The following OXCT1 variants were observed in gnomAD, a reference collection of about 807,000 sequenced individuals.
The protein encoded by OXCT1 is 3-oxoacid CoA-transferase 1.
In OXCT1, 27 loss-of-function variants were observed where a neutral mutation model predicts 69.6. The ratio of observed to expected loss-of-function variants is 0.39; its 90% CI spans 0.29 to 0.54. The LOEUF is 0.54. Among genes scored for constraint, OXCT1 ranks in the 20% least tolerant of loss-of-function variants. The probability of loss-of-function intolerance (pLI) is 0.72; values close to 1 mark genes in which losing one functional copy is unlikely to be tolerated. For missense variants in OXCT1, 437 were observed against 650.2 expected (o/e 0.67, Z 3.57); for synonymous variants, 202 against 217.8 (o/e 0.93, Z 0.64).
chr5:41,771,747 A>G (rs1399656406), intron 13 of OXCT1, among the ~76,000 whole-genome samples: 1 of 152,234 alleles, frequency 6.6e-6, no homozygotes, highest in African/African-American at 2.4e-5. Context: ...ATAGCTAAGC[A>G]CTGGAGCTTC....
intron 7 of OXCT1, among the ~76,000 whole-genome samples, chr5:41,810,139 G>A (rs1383847540): frequency 1.3e-5 from 2 of 151,966 alleles, no homozygotes; most frequent in Non-Finnish European, 2.9e-5. Flanking sequence ...TGAAGGGACT[G>A]ACTTCAGTGC....
chr5:41,848,402 T>C (rs1399951646), intron 5 of OXCT1, among the ~76,000 whole-genome samples: 23 of 148,730 alleles, frequency 1.5e-4, no homozygotes, highest in African/African-American at 4.7e-4. Flanking sequence ...AAGCTACCAA[T>C]GACTTTCTTC....
chr5:41,794,524 T>C, intron 12 of OXCT1, 153 bp downstream of exon 12: 2 of 698,272 alleles, frequency 2.9e-6, no homozygotes, highest in Non-Finnish European at 4.9e-6. Flanking sequence ...CAACATTCGA[T>C]GTGAATAATT....
chr5:41,840,820 G>A (rs1310448900), intron 6 of OXCT1, among the ~76,000 whole-genome samples: 1 of 152,120 alleles, frequency 6.6e-6, no homozygotes, highest in African/African-American at 2.4e-5. Context: ...CTTATTTGAA[G>A]TTAATTTCCC....
chr5:41,735,455 T>C (rs1221396242), intron 16 of OXCT1, among the ~76,000 whole-genome samples: 1 of 152,258 alleles, frequency 6.6e-6, no homozygotes, highest in Non-Finnish European at 1.5e-5. Flanking sequence ...AATTAGTGTT[T>C]AATGAGTAGT....
At chr5:41,748,867 C>T (rs1417926255) in intron 15 of OXCT1, among the ~76,000 whole-genome samples, 1 of 152,068 alleles carries the variant, frequency 6.6e-6, no homozygotes, top group Non-Finnish European at 1.5e-5. Flanking sequence ...TCCCAGCTGA[C>T]TTAAAAGCAG....
intron 1 of OXCT1, among the ~76,000 whole-genome samples, chr5:41,865,004 G>A (rs766557311): frequency 2.0e-5 from 3 of 152,124 alleles, no homozygotes; most frequent in South Asian, 4.1e-4. Flanking sequence ...CACATAGAGA[G>A]GAAGTTGGAA....
chr5:41,801,265 G>C (rs796087494), intron 10 of OXCT1, among the ~76,000 whole-genome samples, 195 bp from the exon 11 acceptor site: 2 of 152,034 alleles, frequency 1.3e-5, no homozygotes, highest in East Asian at 3.9e-4. Flanking sequence ...CTAAAGTTGT[G>C]ATTGGGCAAA....
intron 15 of OXCT1, among the ~76,000 whole-genome samples, chr5:41,743,919 C>T (rs1410466828): frequency 6.6e-6 from 1 of 152,082 alleles, no homozygotes; most frequent in Non-Finnish European, 1.5e-5. Flanking sequence ...AGCCTGATGC[C>T]TCCAGCTTTG....
rs528620212 is a variant in OXCT1, at chr5:41,835,503, C to A, written c.732+4948G>T. On this transcript the variant is annotated intron_variant, in intron 7 of 16. Transcript: ENST00000196371. ...CTAATTCTTATATTAGATGGGTTCACCGATATTCAATTTATATTGTGATTC... is the reference window on the plus strand; with the variant it reads ...CTAATTCTTATATTAGATGGGTTCAACGATATTCAATTTATATTGTGATTC... Among the ~76,000 whole-genome samples the A allele has an allele frequency of 3.3e-5, 5 of 152,240 alleles. No individual in the cohort carries two copies. In the South Asian group the frequency reaches 1.0e-3, roughly 32 times the overall value.
At chr5:41,840,327 CA>C in intron 7 of OXCT1, 123 bp downstream of exon 7, 5 of 787,388 alleles carry the variant, frequency 6.4e-6, no homozygotes, top group Non-Finnish European at 1.1e-5. Flanking sequence ...GATCCATTTC[CA>C]AAACAAAAAA....
At chr5:41,775,143 G>C (rs531010252) in intron 13 of OXCT1, among the ~76,000 whole-genome samples, 1 of 152,120 alleles carries the variant, frequency 6.6e-6, no homozygotes, top group African/African-American at 2.4e-5. Flanking sequence ...TCTGTAACCA[G>C]CTGAGTGCCC....
intron 8 of OXCT1, 86 bp from the exon 9 acceptor site, chr5:41,805,767 AGAT>A: frequency 1.2e-6 from 1 of 861,508 alleles, no homozygotes; most frequent in Non-Finnish European, 2.0e-6. Context: ...CTGGAAAAAA[AGAT>A]GAGCTCTCTC....
chr5:41,732,771 T>C (rs1742696710), intron 16 of OXCT1, among the ~76,000 whole-genome samples: 1 of 152,132 alleles, frequency 6.6e-6, no homozygotes, highest in Non-Finnish European at 1.5e-5. Flanking sequence ...AGAAGGGAGG[T>C]TCCTAATAGA....
At chr5:41,749,434 A>G (rs1743657152) in intron 15 of OXCT1, 93 bp downstream of exon 15, 3 of 740,880 alleles carry the variant, frequency 4.0e-6, no homozygotes, top group Non-Finnish European at 7.3e-6. Context: ...AATTAATCCT[A>G]TGACTACTGG....
At chr5:41,751,243 C>G (rs1743771042) in intron 14 of OXCT1, among the ~76,000 whole-genome samples, 1 of 152,138 alleles carries the variant, frequency 6.6e-6, no homozygotes, top group African/African-American at 2.4e-5. Flanking sequence ...TTCAAACAAA[C>G]TGAACTATCT....
At chr5:41,751,483 G>A (rs1297705383) in intron 14 of OXCT1, among the ~76,000 whole-genome samples, 1 of 151,996 alleles carries the variant, frequency 6.6e-6, no homozygotes, top group African/African-American at 2.4e-5. Flanking sequence ...TAAGTGCATG[G>A]GCTAGAGCCA....
chr5:41,867,108 T>C (rs1324982764), intron 1 of OXCT1, among the ~76,000 whole-genome samples: 2 of 152,092 alleles, frequency 1.3e-5, no homozygotes, highest in Non-Finnish European at 2.9e-5. Flanking sequence ...CCATAGGTTT[T>C]TGGGGAACAA....
intron 7 of OXCT1, among the ~76,000 whole-genome samples, chr5:41,819,178 C>G (rs1029287627): frequency 6.6e-6 from 1 of 151,948 alleles, no homozygotes; most frequent in Non-Finnish European, 1.5e-5. Flanking sequence ...AGTTGTTAAA[C>G]CAAAAGAGAG....
Sources: allele counts gnomAD v4.1 joint callset (sites outside exome capture counted in the v4.1 genomes callset), GRCh38; gene constraint gnomAD v4.1.1; transcripts MANE v1.5; gene names NCBI Gene and HGNC (gene_info 2026-07-23, HGNC 2026-07-21).